Variants in TNPO1 observed in about 807,000 individuals in gnomAD.
TNPO1 encodes transportin 1, also known as transportin-1.
A neutral mutation model predicts 119.5 loss-of-function variants in TNPO1; 8 were observed. That is an observed-to-expected ratio of 0.07 (90% CI 0.04 to 0.12). The LOEUF is 0.12. Ranked by LOEUF, TNPO1 falls within the 10% of genes least tolerant of loss-of-function variation. The pLI is 1.00. For synonymous variants in TNPO1, 362 were observed against 363.0 expected, an observed-to-expected ratio of 1.00 and a Z score of 0.03; for missense variants, 576 against 1,089.8, an observed-to-expected ratio of 0.53 and a Z score of 6.64.
intron 11 of TNPO1, among the ~76,000 whole-genome samples, chr5:72,884,072 G>C (rs1748449118): frequency 6.6e-6 from 1 of 152,006 alleles, no homozygotes; most frequent in Admixed American, 6.6e-5. Flanking sequence ...AGTTCTCTTG[G>C]GTAAACACTC....
At chr5:72,876,605 T>C (rs1488979041) in intron 8 of TNPO1, among the ~76,000 whole-genome samples, 4 of 152,168 alleles carry the variant, frequency 2.6e-5, no homozygotes, top group African/African-American at 4.8e-5. Flanking sequence ...TTAAGAAATA[T>C]ATAATGAGTT....
chr5:72,881,045 T>A (rs1752634530), intron 9 of TNPO1, among the ~76,000 whole-genome samples: 1 of 152,136 alleles, frequency 6.6e-6, no homozygotes, highest in African/African-American at 2.4e-5. Flanking sequence ...TTGCAAACCT[T>A]ACTAGGCCCA....
intron 1 of TNPO1, among the ~76,000 whole-genome samples, chr5:72,837,670 G>A (rs1186941266): frequency 4.6e-5 from 7 of 152,126 alleles, no homozygotes; most frequent in East Asian, 1.9e-4. Flanking sequence ...CTGATGGTAC[G>A]AACTGCCATC....
chr5:72,817,405 G>A (rs868106200), intron 1 of TNPO1, among the ~76,000 whole-genome samples: 45 of 152,308 alleles, frequency 3.0e-4, no homozygotes, highest in African/African-American at 8.9e-4. Flanking sequence ...AAGCAACAGG[G>A]AACAGCTGCT....
chr5:72,835,371 T>C (rs1333910714), intron 1 of TNPO1, among the ~76,000 whole-genome samples: 2 of 152,174 alleles, frequency 1.3e-5, no homozygotes, highest in African/African-American at 4.8e-5. Context: ...ATTTACAAAA[T>C]AATAAAAATG....
chr5:72,846,956 G>C (rs1561303099), intron 1 of TNPO1, among the ~76,000 whole-genome samples: 3 of 152,122 alleles, frequency 2.0e-5, no homozygotes. Flanking sequence ...AAAATATAAT[G>C]TGCATAAAAA....
At chr5:72,865,525 G>A (rs1324653188) in intron 5 of TNPO1, 71 bp from the exon 6 acceptor site, 2 of 1,503,736 alleles carry the variant, frequency 1.3e-6, no homozygotes, top group Non-Finnish European at 1.8e-6. Flanking sequence ...AAATTAATCA[G>A]CATTCTTCAG....
intron 1 of TNPO1, among the ~76,000 whole-genome samples, chr5:72,842,379 C>T (rs1261397065): frequency 6.6e-6 from 1 of 152,142 alleles, no homozygotes; most frequent in Non-Finnish European, 1.5e-5. Context: ...GCTGACCAAC[C>T]TTAGGCAAGT....
At chr5:72,853,050 C>T (rs1745706721) in intron 3 of TNPO1, among the ~76,000 whole-genome samples, 1 of 152,178 alleles carries the variant, frequency 6.6e-6, no homozygotes, top group East Asian at 1.9e-4. Flanking sequence ...TCTTATCCTA[C>T]ATTCCAAATA....
Position 72,897,056 on chromosome 5 carries a change from G to T in TNPO1, c.2243G>T (p.Gly748Val). The change falls in exon 20 of 25, where the codon GGT becomes GTT. Residue 748 changes from glycine (G) to valine (V), a missense_variant and splice_region_variant. Physicochemically the swap from Gly to Val is moderately radical, Grantham distance 109 (BLOSUM62 -3). Transcript: ENST00000337273. ...WAIGEISIQM[G>V]IEMQPYIPMV... ...TTTTTCTTTTTGGGATGATCTCTAG[G>T]TATAGAGATGCAGCCTTATATTCCT... The T allele has an allele frequency of 1.3e-6, 2 of 1,575,458 alleles. No individual in the cohort carries two copies. Among genetic ancestry groups the T allele is most frequent in the East Asian group, 2.3e-5 (1 of 44,188 alleles).
At chr5:72,878,118 A>G (rs562209812) in intron 9 of TNPO1, among the ~76,000 whole-genome samples, 1 of 152,246 alleles carries the variant, frequency 6.6e-6, no homozygotes, top group African/African-American at 2.4e-5. Flanking sequence ...AACCATATTT[A>G]CATAAATGAC....
At chr5:72,836,754 A>T (rs1358686152) in intron 1 of TNPO1, among the ~76,000 whole-genome samples, 2 of 152,202 alleles carry the variant, frequency 1.3e-5, no homozygotes, top group African/African-American at 4.8e-5. Flanking sequence ...TAAGCAGTCA[A>T]GAGAAGCCAT....
intron 4 of TNPO1, among the ~76,000 whole-genome samples, chr5:72,858,293 T>A (rs545048203): frequency 6.6e-6 from 1 of 152,336 alleles, no homozygotes; most frequent in Non-Finnish European, 1.5e-5. Flanking sequence ...TGGATACATT[T>A]AGTTCATTAT....
Position 72,863,287 on chromosome 5 carries a change from C to A in TNPO1, c.462+1373C>A, listed in dbSNP as rs367785038. ...AGGCACAGGAATAACCTGTCAACAA[C>A]AAAAAAACCCCACAGGAATAACCTA... On this transcript the variant is annotated intron_variant, in intron 5 of 24. Coordinates refer to ENST00000337273, the MANE Select transcript of TNPO1 (RefSeq NM_002270.4). Among the ~76,000 whole-genome samples, 755 of 151,840 alleles carry A rather than the reference C, an allele frequency of 5.0e-3. 5 individuals are homozygous for A. The highest frequency in any genetic ancestry group is 0.02 in the Middle Eastern group (6 of 294).
At chr5:72,901,217 A>G (rs1322380689) in intron 22 of TNPO1, 144 bp downstream of exon 22, 1 of 526,360 alleles carries the variant, frequency 1.9e-6, no homozygotes, top group Non-Finnish European at 3.2e-6. Context: ...ATATTTCTTA[A>G]TATCTTGAAA....
chr5:72,901,968 G>A (rs1244776059), intron 22 of TNPO1, among the ~76,000 whole-genome samples: 5 of 151,982 alleles, frequency 3.3e-5, no homozygotes, highest in South Asian at 2.1e-4. Context: ...CCCAGCTCTC[G>A]GGAGGTTGAG....
rs182674535 is a variant in TNPO1 at position 72,903,669 on chromosome 5, A to G, written c.2515-40A>G. ...ATATATCTTTTGCTGAGTTTGACAA[A>G]TACAATATCAACCTAAGATGTATTT... On this transcript the variant is annotated intron_variant, in intron 22 of 24. Transcript: ENST00000337273. 3.3e-4 allele frequency: 465 copies of G among 1,399,554 alleles called. 2 individuals are homozygous for G. In the East Asian group the frequency reaches 6.9e-3, roughly 21 times the overall value. The allele number at this position is 1,399,554 out of a possible 1,614,324, so 86.7% of individuals were successfully genotyped here.
chr5:72,875,675 C>G lies in TNPO1; in HGVS notation c.739C>G (p.Leu247Val), dbSNP rs1267516462. The G allele has an allele frequency of 1.2e-6, 2 of 1,613,518 alleles. No homozygotes were observed. The highest frequency in any genetic ancestry group is 3.3e-5 in the Admixed American group (2 of 60,006). The change falls in exon 8 of 25, where the codon CTT becomes GTT. Residue 247 changes from leucine (L) to valine (V), a missense_variant. Physicochemically the swap from Leu to Val is conservative, Grantham distance 32. Transcript: ENST00000337273. Reference sequence around the variant, plus strand: ...GGTACGGAAAAATGTGTGCCGAGCACTTGTGATGTTGCTCGAAGTTCGAAT... The same window carrying G: ...GGTACGGAAAAATGTGTGCCGAGCAGTTGTGATGTTGCTCGAAGTTCGAAT... ...PEVRKNVCRA[L>V]VMLLEVRMDR...
intron 20 of TNPO1, among the ~76,000 whole-genome samples, chr5:72,897,546 C>T (rs1749521334): frequency 6.6e-6 from 1 of 151,222 alleles, no homozygotes; most frequent in African/African-American, 2.4e-5. Flanking sequence ...AATTGGTTAA[C>T]AGTGGCATTT....
Sources: gnomAD v4.1 joint callset for allele counts (sites outside exome capture counted in the v4.1 genomes callset) on GRCh38, gnomAD v4.1.1 for gene constraint, MANE v1.5 for transcripts, NCBI Gene and HGNC (gene_info 2026-07-23, HGNC 2026-07-21) for gene names.